Variants in TAS2R8 observed in about 807,000 individuals in gnomAD.
The protein encoded by TAS2R8 is taste 2 receptor member 8.
For synonymous variants in TAS2R8, 139 were observed against 123.9 expected, an observed-to-expected ratio of 1.12 and a Z score of -0.81; for missense variants, 396 against 358.1, an observed-to-expected ratio of 1.11 and a Z score of -0.85.
chr12:10,806,762 T>A lies in TAS2R8; in HGVS notation c.219A>T (p.Pro73=), dbSNP rs760490526. 4 of 1,613,784 alleles carry A rather than the reference T, an allele frequency of 2.5e-6. No individual in the cohort carries two copies. The South Asian group carries it at 4.4e-5, about 18-fold the overall frequency. ...VVNGIVIVLN[P]DVYTKNKQQI... ...GTTGTTTATTTTTTGTATAAACATC[T>A]GGGTTCAGTACTATTACAATGCCAT... The change falls in exon 1 of 1, where the codon CCA becomes CCT. Residue 73 remains proline, a synonymous_variant. Coordinates refer to ENST00000240615, the MANE Select transcript of TAS2R8 (RefSeq NM_023918.3).
Position 10,806,286 on chromosome 12 carries a change from C to G in TAS2R8, c.695G>C (p.Arg232Thr). The change falls in exon 1 of 1, where the codon AGA becomes ACA. Residue 232 changes from arginine (R) to threonine (T), a missense_variant. Coordinates refer to ENST00000240615, the MANE Select transcript of TAS2R8 (RefSeq NM_023918.3). ...SRDPSTEVHV[R>T]AIKTMTSFIF... is the part of the protein sequence containing the mutation. ...AAATGAAGTCATAGTTTTAATGGCT[C>G]TCACATGAACTTCTGTGCTGGGGTC... is the stretch of plus-strand genomic sequence containing the variant. The G allele has an allele frequency of 6.2e-7, 1 of 1,613,602 alleles. No homozygotes were observed. Among genetic ancestry groups the G allele is most frequent in the Non-Finnish European group, 8.5e-7 (1 of 1,179,848 alleles).
In TAS2R8 at chr12:10,806,582, G is replaced by C; in HGVS notation, c.399C>G (p.Ile133Met). ...AGGAAATGGCAAAGCATCCCAGCAG[G>C]ATCCAGTGCACCACCATATCAATTT... is the stretch of plus-strand genomic sequence containing the variant. Reference protein sequence around the residue: ...KWKIDMVVHWILLGCFAISLL... With the variant: ...KWKIDMVVHWMLLGCFAISLL... Residue 133 changes from isoleucine (I) to methionine (M), a missense_variant, in exon 1 of 1, where the codon ATC (isoleucine) becomes ATG (methionine). Coordinates refer to ENST00000240615, the MANE Select transcript of TAS2R8 (RefSeq NM_023918.3). The C allele has an allele frequency of 6.2e-7, 1 of 1,613,856 alleles. No individual in the cohort carries two copies. The highest frequency in any genetic ancestry group is 2.2e-5 in the East Asian group (1 of 44,860).
rs142817869 is a variant in TAS2R8, at chr12:10,806,703, T to C, written c.278A>G (p.Asn93Ser). ...IVIFTFWTFANYLNMWITTCL... is the reference protein window; with the variant it reads ...IVIFTFWTFASYLNMWITTCL... ...GGTGGTAATCCACATATTTAAGTAG[T>C]TGGCAAATGTCCAGAAGGTAAAAAT... The change falls in exon 1 of 1, where the codon AAC (asparagine) becomes AGC (serine). Residue 93 changes from asparagine (N) to serine (S), a missense_variant. Asn to Ser is a conservative substitution (Grantham distance 46). Coordinates refer to ENST00000240615, the MANE Select transcript of TAS2R8 (RefSeq NM_023918.3). 15 of 1,613,884 alleles carry C rather than the reference T, an allele frequency of 9.3e-6. No individual in the cohort carries two copies. Among genetic ancestry groups the C allele is most frequent in the Admixed American group, 1.7e-5 (1 of 59,942 alleles).
At position 10,806,160 on chromosome 12, in the gene TAS2R8, G is replaced by T. The variant is rs1948720900; in HGVS notation, c.821C>A (p.Ala274Glu). 2 of 1,613,372 alleles carry T rather than the reference G, an allele frequency of 1.2e-6. No homozygotes were observed. ...KLAVEFGEIA[A>E]ILYPLGHSLI... Reference sequence around the variant, plus strand: ...TGAGTGACCCAAGGGGTAGAGAATTGCTGCAATCTCTCCAAACTCCACAGC... The same window carrying T: ...TGAGTGACCCAAGGGGTAGAGAATTTCTGCAATCTCTCCAAACTCCACAGC... The change falls in exon 1 of 1, where the codon GCA becomes GAA. Residue 274 changes from alanine to glutamate, a missense_variant. Transcript: ENST00000240615.
chr12:10,806,802 C>G lies in TAS2R8; in HGVS notation c.179G>C (p.Ser60Thr). The change falls in exon 1 of 1, where the codon AGT becomes ACT. Residue 60 changes from serine to threonine, a missense_variant. Ser to Thr is a moderately conservative substitution (Grantham distance 58, BLOSUM62 1). Coordinates refer to ENST00000240615, the MANE Select transcript of TAS2R8 (RefSeq NM_023918.3). ...TACAATGCCATTTACAACCATTACACTGATCAAACAAATTCTGGCGATAAC... is the reference window on the plus strand; with the variant it reads ...TACAATGCCATTTACAACCATTACAGTGATCAAACAAATTCTGGCGATAAC... ...NLVIARICLI[S>T]VMVVNGIVIV... 1 of 1,613,922 alleles carries G rather than the reference C, an allele frequency of 6.2e-7. No homozygotes were observed. The highest frequency in any genetic ancestry group is 1.1e-5 in the South Asian group (1 of 91,074).
At position 10,806,306 on chromosome 12, in the gene TAS2R8, G is replaced by T; in HGVS notation, c.675C>A (p.Pro225=). 1 of 1,613,636 alleles carries T rather than the reference G, an allele frequency of 6.2e-7. No individual in the cohort carries two copies. Among genetic ancestry groups the T allele is most frequent in the Non-Finnish European group, 8.5e-7 (1 of 1,179,832 alleles). ...TGGCTCTCACATGAACTTCTGTGCTGGGGTCTCTACTGCCGGTAGCATAGA... is the reference window on the plus strand; with the variant it reads ...TGGCTCTCACATGAACTTCTGTGCTTGGGTCTCTACTGCCGGTAGCATAGA... ...IKLYATGSRD[P]STEVHVRAIK... The change falls in exon 1 of 1, where the codon CCC becomes CCA. Residue 225 remains proline (P), a synonymous_variant. Coordinates refer to ENST00000240615, the MANE Select transcript of TAS2R8 (RefSeq NM_023918.3).
chr12:10,806,923 C>T lies in TAS2R8; in HGVS notation c.58G>A (p.Gly20Arg). ...GCAATGTATCCATTCCCCAATATTC[C>T]TAGTATGAATTCTCCAGTTATTAGG... ...IILITGEFIL[G>R]ILGNGYIALV... The change falls in exon 1 of 1, where the codon GGA (glycine) becomes AGA (arginine). Residue 20 changes from glycine (G) to arginine (R), a missense_variant. By Grantham distance (125) the Gly-to-Arg change is moderately radical. Transcript: ENST00000240615. 1 of 1,612,220 alleles carries T rather than the reference C, an allele frequency of 6.2e-7. No homozygotes were observed. The highest frequency in any genetic ancestry group is 1.7e-4 in the Middle Eastern group (1 of 6,046).
Position 10,806,105 on chromosome 12 carries a change from C to G in TAS2R8, c.876G>C (p.Leu292=). 1.9e-6 allele frequency: 3 copies of G among 1,609,628 alleles called. No homozygotes were observed. The highest frequency in any genetic ancestry group is 2.5e-6 in the Non-Finnish European group (3 of 1,178,774). ...TCAGCATTCTGACAAATGTCTGCCT[C>G]AGTTTATTATTTAAAACAATTAAAA... ...SLILIVLNNK[L]RQTFVRMLTC... The change falls in exon 1 of 1, where the codon CTG becomes CTC. Residue 292 remains leucine (L), a synonymous_variant. Coordinates refer to ENST00000240615, the MANE Select transcript of TAS2R8 (RefSeq NM_023918.3).
chr12:10,806,863 T>C lies in TAS2R8; in HGVS notation c.118A>G (p.Lys40Glu). ...AGGATGTAGTCAACTGTGGAAATCT[T>C]TTTCTTCTTAATCCAGTCAATCCAG... ...VNWIDWIKKK[K>E]ISTVDYILTN... Residue 40 changes from lysine (K) to glutamate (E), a missense_variant, in exon 1 of 1, where the codon AAG (lysine) becomes GAG (glutamate). Physicochemically the swap from Lys to Glu is moderately conservative, Grantham distance 56. Transcript: ENST00000240615. 6.2e-7 allele frequency: 1 copy of C among 1,613,654 alleles called. No homozygotes were observed. Among genetic ancestry groups the C allele is most frequent in the Non-Finnish European group, 8.5e-7 (1 of 1,179,852 alleles).
Position 10,806,790 on chromosome 12 carries a change from A to C in TAS2R8, c.191T>G (p.Val64Gly), listed in dbSNP as rs755888990. The C allele has an allele frequency of 3.1e-6, 5 of 1,613,960 alleles. No homozygotes were observed. In the East Asian group the frequency reaches 1.1e-4, roughly 36 times the overall value. Residue 64 changes from valine (V) to glycine (G), a missense_variant, in exon 1 of 1, where the codon GTA becomes GGA. Transcript: ENST00000240615. ...GTTCAGTACTATTACAATGCCATTT[A>C]CAACCATTACACTGATCAAACAAAT... The part of the protein sequence containing the change: ...ARICLISVMV[V>G]NGIVIVLNPD...
rs762190018 is a variant in TAS2R8 at position 10,806,734 on chromosome 12, T to C, written c.247A>G (p.Ile83Val). The change falls in exon 1 of 1, where the codon ATA becomes GTA. Residue 83 changes from isoleucine (I) to valine (V), a missense_variant. Ile to Val is a conservative substitution (Grantham distance 29, BLOSUM62 3). Transcript: ENST00000240615. The part of the protein sequence containing the change: ...PDVYTKNKQQ[I>V]VIFTFWTFAN... ...AATGTCCAGAAGGTAAAAATGACTA[T>C]CTGTTGTTTATTTTTTGTATAAACA... 1.8e-5 allele frequency: 29 copies of C among 1,613,840 alleles called. No homozygotes were observed. The highest frequency in any genetic ancestry group is 2.3e-5 in the Non-Finnish European group (27 of 1,179,924).
In TAS2R8 at chr12:10,807,206, T is replaced by C; in HGVS notation, c.-226A>G. 2.2e-6 allele frequency: 1 copy of C among 452,184 alleles called. No homozygotes were observed. The highest frequency in any genetic ancestry group is 3.9e-6 in the Non-Finnish European group (1 of 258,548). 28.0% of individuals were successfully genotyped at this position (452,184 alleles called of 1,614,324 possible). A position where few individuals can be genotyped will look rare whatever the true frequency, so the allele number is the denominator to read the frequency against. ...AACTAATGAGCAGCTTGACTAGTTA[T>C]TTATAGCCTGGAAAAATTATAATTA... is the stretch of plus-strand genomic sequence containing the variant. On this transcript the variant is annotated 5_prime_UTR_variant, in exon 1 of 1. Coordinates refer to ENST00000240615, the MANE Select transcript of TAS2R8 (RefSeq NM_023918.3).
chr12:10,806,316 C>A lies in TAS2R8; in HGVS notation c.665G>T (p.Ser222Ile). 1 of 1,613,734 alleles carries A rather than the reference C, an allele frequency of 6.2e-7. No individual in the cohort carries two copies. The highest frequency in any genetic ancestry group is 1.1e-5 in the South Asian group (1 of 91,074). The change falls in exon 1 of 1, where the codon AGT becomes ATT. Residue 222 changes from serine to isoleucine, a missense_variant. Coordinates refer to ENST00000240615, the MANE Select transcript of TAS2R8 (RefSeq NM_023918.3). ...TKQIKLYATG[S>I]RDPSTEVHVR... ...ATGAACTTCTGTGCTGGGGTCTCTA[C>A]TGCCGGTAGCATAGAGTTTTATTTG...
chr12:10,806,171 T>C lies in TAS2R8; in HGVS notation c.810A>G (p.Gly270=), dbSNP rs1305820873. ...MTKYKLAVEF[G]EIAAILYPLG... Reference sequence around the variant, plus strand: ...AGGGGTAGAGAATTGCTGCAATCTCTCCAAACTCCACAGCTAACTTGTATT... The same window carrying C: ...AGGGGTAGAGAATTGCTGCAATCTCCCCAAACTCCACAGCTAACTTGTATT... Residue 270 remains glycine (G), a synonymous_variant, in exon 1 of 1, where the codon GGA becomes GGG. Transcript: ENST00000240615. 1 of 1,613,484 alleles carries C rather than the reference T, an allele frequency of 6.2e-7. No individual in the cohort carries two copies.
In TAS2R8 at chr12:10,806,419, G is replaced by C; in HGVS notation, c.562C>G (p.Leu188Val). The C allele has an allele frequency of 1.2e-6, 2 of 1,613,732 alleles. No homozygotes were observed. The highest frequency in any genetic ancestry group is 1.7e-6 in the Non-Finnish European group (2 of 1,179,818). The change falls in exon 1 of 1, where the codon CTG becomes GTG. Residue 188 changes from leucine (L) to valine (V), a missense_variant. Coordinates refer to ENST00000240615, the MANE Select transcript of TAS2R8 (RefSeq NM_023918.3). ...ACAATAAATGGGACAATTGCAAACA[G>C]GTTAAAGAGAGTCAAGGGTTCAAAG... ...PYFEPLTLFN[L>V]FAIVPFIVSL... is the part of the protein sequence containing the mutation.
rs762760188 is a variant in TAS2R8, at chr12:10,806,368, C to G, written c.613G>C (p.Val205Leu). The change falls in exon 1 of 1, where the codon GTA becomes CTA. Residue 205 changes from valine to leucine, a missense_variant. By Grantham distance (32) the Val-to-Leu change is conservative. Transcript: ENST00000240615. ...TTGGTATGTCTCCATAAAGATCTTA[C>G]TAAAAGGAAAAATGATATCAGTGAC... Reference protein sequence around the residue: ...IVSLISFFLLVRSLWRHTKQI... With the variant: ...IVSLISFFLLLRSLWRHTKQI... 4.3e-6 allele frequency: 7 copies of G among 1,613,648 alleles called. No individual in the cohort carries two copies. The South Asian group carries it at 7.7e-5, about 18-fold the overall frequency.
Position 10,806,395 on chromosome 12 carries a change from C to T in TAS2R8, c.586G>A (p.Val196Met), listed in dbSNP as rs991832317. Residue 196 changes from valine to methionine, a missense_variant, in exon 1 of 1, where the codon GTG becomes ATG. Val to Met is a conservative substitution (Grantham distance 21). Transcript: ENST00000240615. ...FNLFAIVPFIVSLISFFLLVR... is the reference protein window; with the variant it reads ...FNLFAIVPFIMSLISFFLLVR... ...AAAAGGAAAAATGATATCAGTGACA[C>T]AATAAATGGGACAATTGCAAACAGG... is the stretch of plus-strand genomic sequence containing the variant. 6.2e-7 allele frequency: 1 copy of T among 1,613,782 alleles called. No homozygotes were observed. Among genetic ancestry groups the T allele is most frequent in the Non-Finnish European group, 8.5e-7 (1 of 1,179,886 alleles).
In TAS2R8 at chr12:10,806,079, G is replaced by A; in HGVS notation, c.902C>T (p.Thr301Ile). ...KLRQTFVRML[T>I]CRKIACMI ...TATCATGCAGGCAATTTTTCTACAT[G>A]TCAGCATTCTGACAAATGTCTGCCT... is the stretch of plus-strand genomic sequence containing the variant. The change falls in exon 1 of 1, where the codon ACA (threonine) becomes ATA (isoleucine). Residue 301 changes from threonine to isoleucine, a missense_variant. Transcript: ENST00000240615. 1 of 1,603,684 alleles carries A rather than the reference G, an allele frequency of 6.2e-7. No homozygotes were observed. The highest frequency in any genetic ancestry group is 8.5e-7 in the Non-Finnish European group (1 of 1,176,758).
chr12:10,806,245 G>A lies in TAS2R8; in HGVS notation c.736C>T (p.Leu246=), dbSNP rs1318921548. The A allele has an allele frequency of 6.2e-7, 1 of 1,612,504 alleles. No homozygotes were observed. The highest frequency in any genetic ancestry group is 8.5e-7 in the Non-Finnish European group (1 of 1,179,478). ...ATCAAAATAGAAGAAATATAGTATA[G>A]GAAAAAAAAGAAGATAAATGAAGTC... The part of the protein sequence containing the change: ...TMTSFIFFFF[L]YYISSILMTF... The change falls in exon 1 of 1, where the codon CTA becomes TTA. Residue 246 remains leucine (L), a synonymous_variant. Coordinates refer to ENST00000240615, the MANE Select transcript of TAS2R8 (RefSeq NM_023918.3).
Sources: gnomAD v4.1 joint callset for allele counts on GRCh38, gnomAD v4.1.1 for gene constraint, MANE v1.5 for transcripts, NCBI Gene and HGNC (gene_info 2026-07-23, HGNC 2026-07-21) for gene names.